GPC5: variants seen among roughly 807,000 people sequenced by gnomAD.
The protein encoded by GPC5 is glypican 5.
Under a neutral mutation model 53.9 loss-of-function variants are expected in GPC5, and 47 were observed. That is an observed-to-expected ratio of 0.87 (90% CI 0.69 to 1.11). The LOEUF (loss-of-function observed/expected upper bound fraction) is 1.11, where lower values mean the gene tolerates loss of function less well. Ranked by LOEUF, GPC5 falls within the 50% of genes most tolerant of loss-of-function variation. The pLI is 0.00. For missense variants in GPC5, 748 were observed against 713.1 expected (o/e 1.05, Z -0.56); for synonymous variants, 286 against 263.3 (o/e 1.09, Z -0.84).
intron 2 of GPC5, among the ~76,000 whole-genome samples, chr13:91,572,471 G>A (rs956843441): frequency 6.6e-6 from 1 of 152,024 alleles, no homozygotes; most frequent in Admixed American, 6.6e-5. Flanking sequence ...TCTGCTTCTG[G>A]TGTGGCCTCA....
At chr13:91,881,866 C>A (rs2039267303) in intron 5 of GPC5, among the ~76,000 whole-genome samples, 1 of 152,148 alleles carries the variant, frequency 6.6e-6, no homozygotes, top group Non-Finnish European at 1.5e-5. Context: ...ATCTGTCAGC[C>A]TTAAGACAGG....
At chr13:91,462,067 C>G (rs750631047) in intron 2 of GPC5, among the ~76,000 whole-genome samples, 3 of 152,114 alleles carry the variant, frequency 2.0e-5, no homozygotes, top group Non-Finnish European at 4.4e-5. Flanking sequence ...TATGTTTTGA[C>G]TCTCACTGTA....
At chr13:92,235,623 T>C (rs573783080) in intron 7 of GPC5, among the ~76,000 whole-genome samples, 25 of 152,210 alleles carry the variant, frequency 1.6e-4, no homozygotes, top group African/African-American at 5.1e-4. Flanking sequence ...GCTGATTAAC[T>C]TCACAAATGG....
At chr13:92,283,333 C>T (rs1473167997) in intron 7 of GPC5, among the ~76,000 whole-genome samples, 3 of 152,096 alleles carry the variant, frequency 2.0e-5, no homozygotes, top group Non-Finnish European at 2.9e-5. Flanking sequence ...GACAGATCAA[C>T]AAGACAGAAA....
At chr13:92,845,309 C>T (rs543631823) in intron 7 of GPC5, among the ~76,000 whole-genome samples, 1 of 152,238 alleles carries the variant, frequency 6.6e-6, no homozygotes, top group African/African-American at 2.4e-5. Flanking sequence ...CTAACCTCCA[C>T]GTTCTCAGCC....
At chr13:92,828,988 C>A (rs1877951798) in intron 7 of GPC5, among the ~76,000 whole-genome samples, 1 of 152,040 alleles carries the variant, frequency 6.6e-6, no homozygotes, top group Non-Finnish European at 1.5e-5. Context: ...CACTTGTATC[C>A]CTAAATCCAC....
At chr13:91,665,438 T>G (rs1258344358) in intron 2 of GPC5, among the ~76,000 whole-genome samples, 3 of 152,192 alleles carry the variant, frequency 2.0e-5, no homozygotes, top group Non-Finnish European at 4.4e-5. Flanking sequence ...TAGTGATAGT[T>G]AGGCAGGTTG....
Position 92,103,663 on chromosome 13 carries a change from T to C in GPC5, c.1402-41167T>C, listed in dbSNP as rs556293943. Among the ~76,000 whole-genome samples the C allele has an allele frequency of 1.5e-4, 23 of 152,310 alleles. 1 individual carries two copies. Among genetic ancestry groups the C allele is most frequent in the African/African-American group, 5.3e-4 (22 of 41,564 alleles). Reference sequence around the variant, plus strand: ...CTTTATCTGAAAATGTGCATGTGTGTGCACAAGAATCCTTAAAGGCCCTGC... The same window carrying C: ...CTTTATCTGAAAATGTGCATGTGTGCGCACAAGAATCCTTAAAGGCCCTGC... On this transcript the variant is annotated intron_variant, in intron 6 of 7. Coordinates refer to ENST00000377067, the MANE Select transcript of GPC5 (RefSeq NM_004466.6).
At position 91,622,333 on chromosome 13, in the gene GPC5, C is replaced by T. The variant is rs374778665; in HGVS notation, c.326-70854C>T. ...CTTCCATTATTTAACATTTTGTCTG[C>T]AATGAGCAACTGCATGTGTAAGTCT... On this transcript the variant is annotated intron_variant, in intron 2 of 7. Coordinates refer to ENST00000377067, the MANE Select transcript of GPC5 (RefSeq NM_004466.6). Among the ~76,000 whole-genome samples the T allele has an allele frequency of 1.1e-4, 16 of 152,172 alleles. No individual in the cohort carries two copies. The East Asian group carries it at 2.5e-3, about 24-fold the overall frequency.
chr13:91,484,339 T>C (rs1308422192), intron 2 of GPC5, among the ~76,000 whole-genome samples: 1 of 152,210 alleles, frequency 6.6e-6, no homozygotes, highest in Admixed American at 6.5e-5. Context: ...GATAGGATTA[T>C]TGCATTGATT....
rs2038985165 is a variant in GPC5 at position 91,857,958 on chromosome 13, C to T, written c.1281-49979C>T. Among the ~76,000 whole-genome samples, 3 of 151,486 alleles carry T rather than the reference C, an allele frequency of 2.0e-5. No homozygotes were observed. The South Asian group carries it at 6.2e-4, about 31-fold the overall frequency. The stretch of plus-strand genomic sequence containing the variant: ...ATGTTAAAATAACTTTTTATTACCA[C>T]AGCAAACCCCAGTTAATTATTATAT... On this transcript the variant is annotated intron_variant, in intron 5 of 7. Coordinates refer to ENST00000377067, the MANE Select transcript of GPC5 (RefSeq NM_004466.6).
intron 6 of GPC5, among the ~76,000 whole-genome samples, chr13:92,002,154 T>G (rs199703613): frequency 1.8e-5 from 1 of 56,984 alleles, no homozygotes; most frequent in Admixed American, 2.5e-4. Context: ...CTGATTTGGT[T>G]GCTCTGAAGG....
chr13:91,548,150 A>G (rs575127989), intron 2 of GPC5, among the ~76,000 whole-genome samples: 3 of 152,308 alleles, frequency 2.0e-5, no homozygotes, highest in Admixed American at 6.5e-5. Context: ...GAAAAGACAT[A>G]TAGCTTGGGA....
At chr13:92,298,610 G>A (rs548798533) in intron 7 of GPC5, among the ~76,000 whole-genome samples, 30 of 152,188 alleles carry the variant, frequency 2.0e-4, no homozygotes, top group Non-Finnish European at 3.8e-4. Flanking sequence ...CCCTGGGGGT[G>A]TGTGTTCAGG....
At chr13:92,291,069 A>G (rs1462034578) in intron 7 of GPC5, among the ~76,000 whole-genome samples, 1 of 152,086 alleles carries the variant, frequency 6.6e-6, no homozygotes, top group East Asian at 1.9e-4. Flanking sequence ...GCCGGGCCTT[A>G]GCTGCCTTTC....
intron 7 of GPC5, among the ~76,000 whole-genome samples, chr13:92,337,654 A>G (rs903237883): frequency 5.3e-5 from 8 of 152,166 alleles, no homozygotes; most frequent in Admixed American, 4.6e-4. Flanking sequence ...ATTGACCCAC[A>G]TGAATATAGT....
chr13:91,792,397 T>G (rs66481260), intron 5 of GPC5, among the ~76,000 whole-genome samples: 12,290 of 152,236 alleles, frequency 0.081, 902 homozygotes, highest in East Asian at 0.22. Flanking sequence ...GTGGTAGCAT[T>G]TCTCCCACAG....
chr13:91,691,847 A>T (rs952935621), intron 2 of GPC5, among the ~76,000 whole-genome samples: 3 of 152,106 alleles, frequency 2.0e-5, no homozygotes, highest in Non-Finnish European at 4.4e-5. Flanking sequence ...CAGTGTTTAG[A>T]TTACTAAGTT....
At position 92,360,865 on chromosome 13, in the gene GPC5, A is replaced by C. The variant is rs533409258; in HGVS notation, c.1561+215876A>C. On this transcript the variant is annotated intron_variant, in intron 7 of 7. Transcript: ENST00000377067. Reference sequence around the variant, plus strand: ...TACTCTGACCCAGTAGATAATTAGCACTGTATTGCAGAGAGCAAATAAATA... The same window carrying C: ...TACTCTGACCCAGTAGATAATTAGCCCTGTATTGCAGAGAGCAAATAAATA... Among the ~76,000 whole-genome samples, 51 of 151,944 alleles carry C rather than the reference A, an allele frequency of 3.4e-4. 3 individuals carry two copies. The highest frequency in any genetic ancestry group is 1.2e-3 in the African/African-American group (51 of 41,202).
Sources: allele counts gnomAD v4.1 joint callset (sites outside exome capture counted in the v4.1 genomes callset), GRCh38; gene constraint gnomAD v4.1.1; transcripts MANE v1.5; gene names NCBI Gene and HGNC (gene_info 2026-07-23, HGNC 2026-07-21).